The following NFYC variants were observed in gnomAD, a reference collection of about 807,000 sequenced individuals.
The protein encoded by NFYC is nuclear transcription factor Y subunit gamma.
Under a neutral mutation model 53.1 loss-of-function variants are expected in NFYC, and 25 were observed. That is an observed-to-expected ratio of 0.47 (90% CI 0.34 to 0.66). The LOEUF is 0.66. NFYC is among the 30% of genes least tolerant of loss of function. NFYC has a pLI of 0.01. For missense variants in NFYC, 260 were observed against 422.7 expected (o/e 0.62, Z 3.38); for synonymous variants, 145 against 152.6 (o/e 0.95, Z 0.37).
chr1:40,709,580 G>T (rs1057497310), intron 1 of NFYC: 1 of 152,136 alleles, frequency 6.6e-6, no homozygotes, highest in Non-Finnish European at 1.5e-5. Context: ...GTCGGTGGAG[G>T]TATAAATAAC....
intron 9 of NFYC, 66 bp downstream of exon 9, chr1:40,769,481 TG>T: frequency 7.1e-7 from 1 of 1,405,628 alleles, no homozygotes; most frequent in Non-Finnish European, 1.0e-6. Context: ...AGGTAGTATC[TG>T]GGTTTGGATG....
At chr1:40,707,226 GCTCA>G (rs1449937257) in intron 1 of NFYC, among the ~76,000 whole-genome samples, 1 of 151,746 alleles carries the variant, frequency 6.6e-6, no homozygotes, top group Non-Finnish European at 1.5e-5. Flanking sequence ...GGGTGCAGTG[GCTCA>G]CTCCTGTAAT....
At chr1:40,749,454 G>C in intron 3 of NFYC, 119 bp from the exon 4 acceptor site, 1 of 743,048 alleles carries the variant, frequency 1.3e-6, no homozygotes, top group Non-Finnish European at 2.4e-6. Context: ...AATCTCTTGA[G>C]TATACCACCT....
intron 1 of NFYC, 102 bp downstream of exon 1, chr1:40,691,969 G>A (rs1436859708): frequency 3.2e-6 from 1 of 309,670 alleles, no homozygotes; most frequent in East Asian, 1.4e-4. Context: ...ACTTCCTCGC[G>A]CGGCCGCTGC....
intron 1 of NFYC, chr1:40,721,810 G>C (rs1326002490): frequency 6.6e-6 from 1 of 152,262 alleles, no homozygotes; most frequent in African/African-American, 2.4e-5. Flanking sequence ...CGATCCTCCT[G>C]CTTTGGCTTC....
chr1:40,761,635 C>G (rs1232252830), intron 6 of NFYC, among the ~76,000 whole-genome samples: 1 of 152,168 alleles, frequency 6.6e-6, no homozygotes, highest in African/African-American at 2.4e-5. Context: ...GGCCCTCCTC[C>G]AGTTTATAGT....
In NFYC at chr1:40,751,271, G is replaced by A. The variant is rs915682537; in HGVS notation, c.291+1585G>A. Among the ~76,000 whole-genome samples the A allele has an allele frequency of 2.0e-5, 3 of 152,220 alleles. No individual in the cohort carries two copies. The East Asian group carries it at 5.8e-4, about 29-fold the overall frequency. ...TACTATGTTAACAAAAGGAACCAGA[G>A]GGAAAAAATTACATAGTGCATGATA... On this transcript the variant is annotated intron_variant, in intron 4 of 9. Transcript: ENST00000447388.
chr1:40,712,658 C>T (rs1312957095), intron 1 of NFYC: 5 of 71,064 alleles, frequency 7.0e-5, no homozygotes, highest in African/African-American at 5.8e-5. Flanking sequence ...GGATTAATGC[C>T]TTTTTTTTTT....
intron 1 of NFYC, among the ~76,000 whole-genome samples, chr1:40,707,472 T>TCC (rs757034573): frequency 8.1e-6 from 1 of 123,342 alleles, no homozygotes; most frequent in Non-Finnish European, 1.7e-5. Flanking sequence ...AGAGTGAGAC[T>TCC]CCATCTCCAA....
At chr1:40,694,274 A>G (rs1316434159) in intron 1 of NFYC, among the ~76,000 whole-genome samples, 3 of 152,226 alleles carry the variant, frequency 2.0e-5, no homozygotes, top group South Asian at 2.1e-4. Context: ...TGATTCTAGG[A>G]TATGCTTATC....
At chr1:40,764,852 C>G (rs1646737173) in intron 7 of NFYC, among the ~76,000 whole-genome samples, 1 of 152,178 alleles carries the variant, frequency 6.6e-6, no homozygotes, top group African/African-American at 2.4e-5. Context: ...AATGTCTTAA[C>G]CTAGGCCAAA....
chr1:40,733,272 C>T lies in NFYC; in HGVS notation c.-8-5564C>T, dbSNP rs191535195. 7.0e-4 allele frequency among the ~76,000 whole-genome samples: 106 copies of T among 151,832 alleles called. 1 individual carries two copies. The East Asian group carries it at 0.01, about 15-fold the overall frequency. On this transcript the variant is annotated intron_variant, in intron 1 of 9. Transcript: ENST00000447388. ...TGAGGACAGAAAGAGAGGTGCAGATCGGGCCTCCTTAATGCTCCCAAGGGA... is the reference window on the plus strand; with the variant it reads ...TGAGGACAGAAAGAGAGGTGCAGATTGGGCCTCCTTAATGCTCCCAAGGGA...
In NFYC at chr1:40,730,666, A is replaced by G. The variant is rs115098337; in HGVS notation, c.-8-8170A>G. On this transcript the variant is annotated intron_variant, in intron 1 of 9. Coordinates refer to ENST00000447388, the MANE Select transcript of NFYC (RefSeq NM_014223.5). The stretch of plus-strand genomic sequence containing the variant: ...CATGTTAAGTTGGAGATGCACAGGA[A>G]TGGTTGGGAACTCAACCCAAAAAGC... 1,051 of 939,860 alleles carry G rather than the reference A, an allele frequency of 1.1e-3. 8 individuals are homozygous for G. The African/African-American group carries it at 0.018, about 16-fold the overall frequency. The allele number at this position is 939,860 out of a possible 1,614,324, so 58.2% of individuals were successfully genotyped here.
intron 5 of NFYC, among the ~76,000 whole-genome samples, chr1:40,756,083 G>T (rs1646203277): frequency 6.6e-6 from 1 of 152,148 alleles, no homozygotes; most frequent in Admixed American, 6.5e-5. Flanking sequence ...TTCCAAGTTA[G>T]GTCTGGATTT....
chr1:40,741,997 G>A (rs1645372516), intron 2 of NFYC, among the ~76,000 whole-genome samples: 1 of 151,832 alleles, frequency 6.6e-6, no homozygotes, highest in South Asian at 2.1e-4. Flanking sequence ...TTGAACTCTT[G>A]GGCTCAAGGG....
intron 1 of NFYC, among the ~76,000 whole-genome samples, chr1:40,723,490 C>G (rs1644399286): frequency 6.6e-6 from 1 of 152,112 alleles, no homozygotes; most frequent in Non-Finnish European, 1.5e-5. Context: ...GCCCAGCTTA[C>G]TTCTAATTGA....
intron 8 of NFYC, among the ~76,000 whole-genome samples, chr1:40,768,308 G>A (rs940926763): frequency 1.3e-5 from 2 of 152,170 alleles, no homozygotes; most frequent in African/African-American, 4.8e-5. Flanking sequence ...CAACATTTCT[G>A]GAATACTAAC....
intron 1 of NFYC, among the ~76,000 whole-genome samples, chr1:40,714,695 A>G (rs1264664185): frequency 6.7e-6 from 1 of 149,794 alleles, no homozygotes; most frequent in Admixed American, 6.7e-5. Context: ...GATCACTGCA[A>G]CCTTAAACTC....
At chr1:40,757,763 C>A (rs373265666) in intron 5 of NFYC, among the ~76,000 whole-genome samples, 34 of 152,326 alleles carry the variant, frequency 2.2e-4, no homozygotes, top group South Asian at 1.0e-3. Context: ...CCAACACTTG[C>A]AATTAGCACT....
Sources: allele counts gnomAD v4.1 joint callset (sites outside exome capture counted in the v4.1 genomes callset), GRCh38; gene constraint gnomAD v4.1.1; transcripts MANE v1.5; gene names NCBI Gene and HGNC (gene_info 2026-07-23, HGNC 2026-07-21).